The following CFAP46 variants were observed in gnomAD, a reference collection of about 807,000 sequenced individuals.
CFAP46 encodes cilia and flagella associated protein 46.
In CFAP46, 245 loss-of-function variants were observed where a neutral mutation model predicts 325.7. That is an observed-to-expected ratio of 0.75 (90% confidence interval 0.68 to 0.84). The LOEUF (loss-of-function observed/expected upper bound fraction) is 0.84. CFAP46 is among the 40% of genes least tolerant of loss of function. CFAP46 has a pLI of 0.00. For synonymous variants in CFAP46, 1,523 were observed against 1,495.9 expected, an observed-to-expected ratio of 1.02 and a Z score of -0.42; for missense variants, 3,346 against 3,543.0, an observed-to-expected ratio of 0.94 and a Z score of 1.41.
chr10:132,906,997 G>T (rs1021823934), intron 22 of CFAP46, among the ~76,000 whole-genome samples: 1 of 152,244 alleles, frequency 6.6e-6, no homozygotes, highest in Non-Finnish European at 1.5e-5. Flanking sequence ...CCCCGGACAC[G>T]TGGAAGTTGC....
chr10:132,929,897 G>T, intron 8 of CFAP46, 93 bp from the exon 9 acceptor site: 1 of 855,148 alleles, frequency 1.2e-6, no homozygotes, highest in Non-Finnish European at 1.8e-6. Context: ...TCAAGCAGAA[G>T]CAGGAAATAA....
At chr10:132,833,953 C>CGT in intron 49 of CFAP46, 88 bp downstream of exon 49, 3 of 1,259,768 alleles carry the variant, frequency 2.4e-6, no homozygotes, top group Non-Finnish European at 3.4e-6. Flanking sequence ...CCCCCCCTGG[C>CGT]GTTCCCGGAT....
rs993936559 is a variant in CFAP46, at chr10:132,889,709, C to A, written c.3304+2624G>T. Among the ~76,000 whole-genome samples the A allele has an allele frequency of 2.0e-5, 3 of 152,174 alleles. No homozygotes were observed. Among genetic ancestry groups the A allele is most frequent in the African/African-American group, 7.2e-5 (3 of 41,450 alleles). On this transcript the variant is annotated intron_variant, in intron 25 of 57. Transcript: ENST00000368586. This position sits in a 1 kb window ranked among gnomAD's most constrained non-coding sequence, Gnocchi z 6.0. ...AGCCGGACCCCACCCCTCATGCATT[C>A]CTGTGGACCGTCTCCTCCTCCCCGG...
At chr10:132,937,250 G>A (rs1346749968) in intron 6 of CFAP46, 195 bp from the exon 7 acceptor site, 2 of 530,290 alleles carry the variant, frequency 3.8e-6, no homozygotes, top group African/African-American at 3.9e-5. Flanking sequence ...GTAATTACTT[G>A]TATCTTTGTG....
At chr10:132,809,267 G>A (rs978322458) in intron 57 of CFAP46, among the ~76,000 whole-genome samples, 18 of 152,334 alleles carry the variant, frequency 1.2e-4, no homozygotes, top group Admixed American at 1.0e-3. Context: ...CAGTCACTGG[G>A]CTCATGCCTC....
chr10:132,932,578 C>T (rs1849929088), intron 8 of CFAP46, among the ~76,000 whole-genome samples: 1 of 151,688 alleles, frequency 6.6e-6, no homozygotes. Flanking sequence ...TCTTCCTCCC[C>T]ACATAGATCC....
At chr10:132,834,193 T>C (rs1848199843) in intron 48 of CFAP46, 70 bp from the exon 49 acceptor site, 1 of 1,396,232 alleles carries the variant, frequency 7.2e-7, no homozygotes, top group Admixed American at 1.7e-5. Flanking sequence ...AGGCGACACC[T>C]GCTCAGCCTG....
Position 132,834,787 on chromosome 10 carries a change from CAA to C in CFAP46, c.6745-14_6745-13del, listed in dbSNP as rs1218893325. On this transcript the variant is annotated splice_polypyrimidine_tract_variant and intron_variant, in intron 47 of 57. Transcript: ENST00000368586. The stretch of plus-strand genomic sequence containing the variant: ...AGGCCTTCTGGTTCCTACCGCAATC[CAA>C]AAAAGAGGCCCCCGTAGCAAACAGG... The C allele has an allele frequency of 6.2e-7, 1 of 1,605,480 alleles. No homozygotes were observed. The highest frequency in any genetic ancestry group is 8.5e-7 in the Non-Finnish European group (1 of 1,175,630).
chr10:132,880,028 G>A (rs2387074), intron 28 of CFAP46, among the ~76,000 whole-genome samples: 93,252 of 152,040 alleles, frequency 0.61, 30,006 homozygotes, highest in African/African-American at 0.81. Flanking sequence ...GGCTAGAACC[G>A]CGGCCACAGG....
chr10:132,908,244 C>T lies in CFAP46; in HGVS notation c.2924+224G>A, dbSNP rs981019168. ...GACCTGGTGGAGTGCTCACCTGCTC[C>T]CTGATCTGTGATCGCCGCCCAGGCC... On this transcript the variant is annotated intron_variant, in intron 22 of 57. Coordinates refer to ENST00000368586, the MANE Select transcript of CFAP46 (RefSeq NM_001200049.3). 5.2e-6 allele frequency: 3 copies of T among 577,052 alleles called. No individual in the cohort carries two copies. The South Asian group carries it at 6.0e-5, about 11-fold the overall frequency. The allele number at this position is 577,052 out of a possible 1,614,324, so 35.7% of individuals were successfully genotyped here.
intron 25 of CFAP46, among the ~76,000 whole-genome samples, chr10:132,890,440 A>C (rs1849238666): frequency 6.6e-6 from 1 of 152,138 alleles, no homozygotes; most frequent in Non-Finnish European, 1.5e-5. Context: ...GACCCCCGTC[A>C]CTCCTATGAT....
intron 8 of CFAP46, among the ~76,000 whole-genome samples, chr10:132,932,482 A>T (rs1425283305): frequency 8.3e-6 from 1 of 120,242 alleles, no homozygotes; most frequent in African/African-American, 3.6e-5. Flanking sequence ...TAGGCCTTCC[A>T]CCTCTTCACA....
In CFAP46 at chr10:132,869,597, T is replaced by C. The variant is rs1314638566; in HGVS notation, c.4512-225A>G. Reference sequence around the variant, plus strand: ...TTCTCCCGCTCCTTCACAGATCTCGTGCGAGGCATTATCTGTTGCCTCCTG... The same window carrying C: ...TTCTCCCGCTCCTTCACAGATCTCGCGCGAGGCATTATCTGTTGCCTCCTG... On this transcript the variant is annotated intron_variant, in intron 32 of 57. Coordinates refer to ENST00000368586, the MANE Select transcript of CFAP46 (RefSeq NM_001200049.3). The surrounding 1 kb of genome is among the most constrained non-coding windows in gnomAD (Gnocchi z 6.2). Among the ~76,000 whole-genome samples, 1 of 152,196 alleles carries C rather than the reference T, an allele frequency of 6.6e-6. No homozygotes were observed. Among genetic ancestry groups the C allele is most frequent in the Non-Finnish European group, 1.5e-5 (1 of 68,032 alleles).
chr10:132,808,413 T>G lies in CFAP46; in HGVS notation c.*8A>C. On this transcript the variant is annotated 3_prime_UTR_variant, in exon 58 of 58. Coordinates refer to ENST00000368586, the MANE Select transcript of CFAP46 (RefSeq NM_001200049.3). The surrounding 1 kb of genome is among the most constrained non-coding windows in gnomAD (Gnocchi z 6.8). ...AGACTGGCTTTTGTTGTTTGTTTAG[T>G]GGAACACTCAAATCAAAAACAGGCT... 6.3e-7 allele frequency: 1 copy of G among 1,596,388 alleles called. No homozygotes were observed. The highest frequency in any genetic ancestry group is 8.6e-7 in the Non-Finnish European group (1 of 1,166,990).
chr10:132,823,329 T>TGTGA (rs1847932938), intron 50 of CFAP46, among the ~76,000 whole-genome samples: 1 of 105,260 alleles, frequency 9.5e-6, no homozygotes, highest in Non-Finnish European at 1.9e-5. Context: ...ATGTGTGCGG[T>TGTGA]GTGCTGATGT....
rs753953703 is a variant in CFAP46 at position 132,834,707 on chromosome 10, G to A, written c.6813C>T (p.Pro2271=). ...ATAGCGGCTGCAGAAGCTCCTCCAG[G>A]GGCCCCAGGACGCTACTGAGCCTCT... ...PVQRLSSVLG[P]LEELLQPLFP... is the part of the protein sequence containing the mutation. Residue 2271 remains proline (P), a synonymous_variant, in exon 48 of 58, where the codon CCC becomes CCT. Transcript: ENST00000368586. The A allele has an allele frequency of 3.7e-6, 6 of 1,612,952 alleles. No homozygotes were observed. The highest frequency in any genetic ancestry group is 5.1e-6 in the Non-Finnish European group (6 of 1,179,944).
chr10:132,865,679 C>T (rs1260839939), intron 35 of CFAP46, among the ~76,000 whole-genome samples: 2 of 152,158 alleles, frequency 1.3e-5, no homozygotes, highest in Non-Finnish European at 2.9e-5. Context: ...GCAGAGACAC[C>T]CTCTGGGGTT....
intron 2 of CFAP46, 92 bp from the exon 3 acceptor site, chr10:132,941,814 C>T: frequency 6.3e-7 from 1 of 1,577,602 alleles, no homozygotes; most frequent in Non-Finnish European, 8.6e-7. Context: ...GAACAGGCCC[C>T]CAGCACAGGT....
chr10:132,861,508 C>T (rs999051387), intron 35 of CFAP46, among the ~76,000 whole-genome samples: 16 of 152,230 alleles, frequency 1.1e-4, no homozygotes, highest in African/African-American at 2.9e-4. Context: ...CGAAAGGCTT[C>T]GGGACAGCCA....
Sources: allele counts gnomAD v4.1 joint callset (sites outside exome capture counted in the v4.1 genomes callset), GRCh38; gene constraint gnomAD v4.1.1; non-coding constraint Gnocchi (gnomAD v3.1); transcripts MANE v1.5; gene names NCBI Gene and HGNC (gene_info 2026-07-23, HGNC 2026-07-21).